Variants in PFKFB3 observed in about 807,000 individuals in gnomAD.
The protein encoded by PFKFB3 is 6-phosphofructo-2-kinase/fructose-2,6-biphosphatase 3, also known as 6-phosphofructo-2-kinase/fructose-2,6-bisphosphatase 3.
PFKFB3 carries 33 observed loss-of-function variants against 68.0 expected under a neutral mutation model. The observed-to-expected ratio is 0.49, with a 90% CI of 0.37 to 0.65. PFKFB3 has a LOEUF of 0.65. PFKFB3 is among the 30% of genes least tolerant of loss of function. The pLI, the probability that PFKFB3 is intolerant of heterozygous loss-of-function variation, is 0.00. For synonymous variants in PFKFB3, 315 were observed against 288.2 expected, an observed-to-expected ratio of 1.09 and a Z score of -0.94; for missense variants, 586 against 712.2, an observed-to-expected ratio of 0.82 and a Z score of 2.02.
At chr10:6,146,429 G>A in intron 1 of PFKFB3, 1 of 1,535,634 alleles carries the variant, frequency 6.5e-7, no homozygotes, top group Non-Finnish European at 8.7e-7. Flanking sequence ...CAGGGGCTCT[G>A]CCACTCCTCT....
the PFKFB3 span, among the ~76,000 whole-genome samples, chr10:6,318,590 G>C: frequency 6.6e-6 from 1 of 152,126 alleles, no homozygotes; most frequent in Non-Finnish European, 1.5e-5. Context: ...CAACAGAGAT[G>C]CTCATTTTGC....
At chr10:6,160,492 C>T (rs1175453513) in intron 1 of PFKFB3, among the ~76,000 whole-genome samples, 2 of 152,030 alleles carry the variant, frequency 1.3e-5, no homozygotes, top group Non-Finnish European at 2.9e-5. Flanking sequence ...CTGAGGCAGG[C>T]AGATGACCTG....
At chr10:6,311,925 C>A in the PFKFB3 span, among the ~76,000 whole-genome samples, 2 of 152,166 alleles carry the variant, frequency 1.3e-5, no homozygotes, top group African/African-American at 4.8e-5. Flanking sequence ...AATGTCAAAC[C>A]AGGTCCCTGA....
At chr10:6,321,991 A>ATAACTT in the PFKFB3 span, among the ~76,000 whole-genome samples, 5,540 of 152,146 alleles carry the variant, frequency 0.036, 343 homozygotes, top group African/African-American at 0.13. Context: ...ATTCATTTCC[A>ATAACTT]TGAAACACCA....
intron 1 of PFKFB3, among the ~76,000 whole-genome samples, chr10:6,178,592 A>G (rs1388530894): frequency 6.6e-6 from 1 of 152,056 alleles, no homozygotes; most frequent in Admixed American, 6.5e-5. Flanking sequence ...AGTCCGCCCC[A>G]CGGGTCCCTC....
At chr10:6,191,081 C>T (rs890815349) in intron 1 of PFKFB3, among the ~76,000 whole-genome samples, 14 of 152,172 alleles carry the variant, frequency 9.2e-5, no homozygotes, top group African/African-American at 2.9e-4. Flanking sequence ...GACACCCAGC[C>T]AACTTCCTGT....
At chr10:6,169,318 C>A (rs974328339) in intron 1 of PFKFB3, among the ~76,000 whole-genome samples, 3 of 152,152 alleles carry the variant, frequency 2.0e-5, no homozygotes. Flanking sequence ...ATTTTCTGTT[C>A]TTTTCTTAGT....
the PFKFB3 span, among the ~76,000 whole-genome samples, chr10:6,268,537 A>G: frequency 5.3e-5 from 8 of 152,212 alleles, no homozygotes; most frequent in East Asian, 3.9e-4. Flanking sequence ...AGGCAGGAGA[A>G]TCACTCGAAC....
intron 14 of PFKFB3, chr10:6,254,125 C>T (rs1266030824): frequency 1.0e-5 from 4 of 386,656 alleles, no homozygotes; most frequent in South Asian, 1.4e-4. Context: ...TCTCTTTAGC[C>T]CTTTCTGAGG....
intron 6 of PFKFB3, 185 bp from the exon 7 acceptor site, chr10:6,219,384 C>T: frequency 3.4e-6 from 2 of 591,730 alleles, no homozygotes; most frequent in Non-Finnish European, 6.0e-6. Flanking sequence ...AGGGAATCCT[C>T]CCCATGTAAC....
intron 1 of PFKFB3, among the ~76,000 whole-genome samples, chr10:6,193,699 A>G (rs1423046264): frequency 1.3e-5 from 2 of 152,124 alleles, no homozygotes; most frequent in Non-Finnish European, 2.9e-5. Context: ...TGGTTCTTAT[A>G]GGTTTTGGGA....
At chr10:6,302,248 T>G in the PFKFB3 span, among the ~76,000 whole-genome samples, 1 of 151,130 alleles carries the variant, frequency 6.6e-6, no homozygotes, top group Admixed American at 6.6e-5. Flanking sequence ...TGAGGTGGGG[T>G]TTTACCATGT....
rs999291223 is a variant in PFKFB3, at chr10:6,215,945, G to A, written c.300-180G>A. The stretch of plus-strand genomic sequence containing the variant: ...CTCCCGAGGGTTCCTGAGGCCACCC[G>A]TGTGGGGCCCCAGGTTGGAAGCCTC... On this transcript the variant is annotated intron_variant, in intron 3 of 14. Transcript: ENST00000379775. This position sits in a 1 kb window ranked among gnomAD's most constrained non-coding sequence, Gnocchi z 4.3. Among the ~76,000 whole-genome samples, 5 of 152,184 alleles carry A rather than the reference G, an allele frequency of 3.3e-5. No individual in the cohort carries two copies. Among genetic ancestry groups the A allele is most frequent in the Admixed American group, 2.6e-4 (4 of 15,288 alleles).
chr10:6,303,042 A>AT, the PFKFB3 span, among the ~76,000 whole-genome samples: 1 of 152,178 alleles, frequency 6.6e-6, no homozygotes, highest in Admixed American at 6.5e-5. Context: ...TGTCCAGGGC[A>AT]TGTGGGTAAG....
intron 1 of PFKFB3, among the ~76,000 whole-genome samples, chr10:6,147,094 G>T (rs1841413058): frequency 6.6e-6 from 1 of 152,162 alleles, no homozygotes; most frequent in Non-Finnish European, 1.5e-5. Context: ...AGTGGGAACT[G>T]CAGGGAGCCA....
At chr10:6,176,245 C>A (rs796887193) in intron 1 of PFKFB3, among the ~76,000 whole-genome samples, 7 of 152,130 alleles carry the variant, frequency 4.6e-5, no homozygotes, top group African/African-American at 1.7e-4. Context: ...CCCTGCAGAT[C>A]GTCTGTATCC....
At chr10:6,253,146 C>G (rs1846416241) in intron 14 of PFKFB3, among the ~76,000 whole-genome samples, 1 of 152,180 alleles carries the variant, frequency 6.6e-6, no homozygotes, top group Non-Finnish European at 1.5e-5. Flanking sequence ...TCTTGAACTC[C>G]TGACCTTGTG....
chr10:6,255,467 T>G (rs971004150), downstream of PFKFB3, among the ~76,000 whole-genome samples: 1 of 152,236 alleles, frequency 6.6e-6, no homozygotes, highest in Non-Finnish European at 1.5e-5. Flanking sequence ...GAAGCAAAAT[T>G]TAATACATTT....
chr10:6,304,955 T>C, the PFKFB3 span, among the ~76,000 whole-genome samples: 1 of 144,826 alleles, frequency 6.9e-6, no homozygotes, highest in Non-Finnish European at 1.5e-5. Flanking sequence ...GTGTTGGGAT[T>C]ACAGGCATGA....
Sources: gnomAD v4.1 joint callset for allele counts (sites outside exome capture counted in the v4.1 genomes callset) on GRCh38, gnomAD v4.1.1 for gene constraint, Gnocchi (gnomAD v3.1) non-coding constraint, MANE v1.5 for transcripts, NCBI Gene and HGNC (gene_info 2026-07-23, HGNC 2026-07-21) for gene names.